PSMD14: variants seen among roughly 807,000 people sequenced by gnomAD.
The protein encoded by PSMD14 is proteasome 26S subunit, non-ATPase 14, also known as ubiquitin C-terminal hydrolase PSMD14.
In PSMD14, 7 loss-of-function variants were observed where a neutral mutation model predicts 41.2. That is an observed-to-expected ratio of 0.17 (90% CI 0.10 to 0.32). PSMD14 has a LOEUF of 0.32. Ranked by LOEUF, PSMD14 falls within the 10% of genes least tolerant of loss-of-function variation. The pLI, the probability that PSMD14 is intolerant of heterozygous loss-of-function variation, is 1.00. For synonymous variants in PSMD14, 114 were observed against 122.3 expected (o/e 0.93, Z 0.45); for missense variants, 139 against 375.6 (o/e 0.37, Z 5.21).
intron 3 of PSMD14, among the ~76,000 whole-genome samples, chr2:161,336,249 A>G (rs1203359795): frequency 2.6e-5 from 4 of 152,178 alleles, no homozygotes; most frequent in Non-Finnish European, 4.4e-5. Flanking sequence ...TATAACTTTT[A>G]TATCAACTGG....
intron 3 of PSMD14, among the ~76,000 whole-genome samples, chr2:161,346,644 A>C (rs1024972770): frequency 2.0e-5 from 3 of 148,946 alleles, no homozygotes; most frequent in Admixed American, 2.0e-4. Flanking sequence ...TTACTTGGAA[A>C]CTGTTTGATT....
chr2:161,323,627 C>T (rs796432612), intron 3 of PSMD14, among the ~76,000 whole-genome samples: 21 of 151,794 alleles, frequency 1.4e-4, no homozygotes, highest in Admixed American at 9.2e-4. Context: ...AGTACCACTG[C>T]ACTCCAGCCT....
chr2:161,322,359 C>G (rs991879770), intron 3 of PSMD14, among the ~76,000 whole-genome samples: 2 of 152,066 alleles, frequency 1.3e-5, no homozygotes, highest in Non-Finnish European at 2.9e-5. Context: ...GGTCTTTGGG[C>G]TTTGCTCTAT....
chr2:161,367,602 A>G (rs1683376684), intron 4 of PSMD14, 53 bp downstream of exon 4: 6 of 1,486,402 alleles, frequency 4.0e-6, no homozygotes, highest in East Asian at 2.4e-5. Flanking sequence ...CTTTCACTGT[A>G]TCTTTTACTT....
chr2:161,353,044 A>T (rs575514437), intron 3 of PSMD14, among the ~76,000 whole-genome samples: 217 of 152,330 alleles, frequency 1.4e-3, no homozygotes, highest in African/African-American at 4.9e-3. Context: ...AATTTTATTA[A>T]AAGAATATTT....
At chr2:161,352,644 C>G (rs2105248022) in intron 3 of PSMD14, among the ~76,000 whole-genome samples, 1 of 152,132 alleles carries the variant, frequency 6.6e-6, no homozygotes, top group Middle Eastern at 3.4e-3. Context: ...ATTTTTTCTT[C>G]CTTTTTTTCA....
chr2:161,377,097 T>C (rs554250989), intron 7 of PSMD14, among the ~76,000 whole-genome samples: 49 of 152,034 alleles, frequency 3.2e-4, no homozygotes, highest in African/African-American at 1.1e-3. Context: ...AGTTCAAGTT[T>C]AATAGTCATT....
intron 11 of PSMD14, 114 bp from the exon 12 acceptor site, chr2:161,411,188 T>G: frequency 1.8e-6 from 1 of 562,320 alleles, no homozygotes; most frequent in Non-Finnish European, 3.0e-6. Context: ...TGTAAAATAT[T>G]TAAGTAAGGT....
At chr2:161,392,131 AT>A (rs34801209) in intron 9 of PSMD14, among the ~76,000 whole-genome samples, 1 of 152,162 alleles carries the variant, frequency 6.6e-6, no homozygotes, top group Non-Finnish European at 1.5e-5. Context: ...AATGCCAAGT[AT>A]TTAAATCTGC....
intron 3 of PSMD14, among the ~76,000 whole-genome samples, chr2:161,332,612 ACT>A (rs1297201374): frequency 6.6e-6 from 1 of 151,950 alleles, no homozygotes; most frequent in African/African-American, 2.4e-5. Flanking sequence ...GCACTTGAAA[ACT>A]CTCACTTTAA....
At chr2:161,339,165 G>C (rs570992102) in intron 3 of PSMD14, among the ~76,000 whole-genome samples, 1 of 152,302 alleles carries the variant, frequency 6.6e-6, no homozygotes, top group South Asian at 2.1e-4. Flanking sequence ...CCTAGGATTA[G>C]ATTGGCTGGA....
intron 10 of PSMD14, among the ~76,000 whole-genome samples, chr2:161,396,641 G>A (rs556672210): frequency 1.3e-5 from 2 of 152,124 alleles, no homozygotes; most frequent in Admixed American, 6.6e-5. Flanking sequence ...TGGGTGGAGC[G>A]GGGTGGGTTG....
intron 9 of PSMD14, among the ~76,000 whole-genome samples, chr2:161,391,458 T>C (rs865897124): frequency 6.6e-6 from 1 of 152,192 alleles, no homozygotes; most frequent in Non-Finnish European, 1.5e-5. Flanking sequence ...ATATTTCTTT[T>C]AGTTCTGTGA....
chr2:161,367,449 TTAA>T (rs1371222567), intron 3 of PSMD14, 26 bp from the exon 4 acceptor site: 1 of 1,525,376 alleles, frequency 6.6e-7, no homozygotes, highest in East Asian at 2.4e-5. Context: ...TGTGTTTGTT[TTAA>T]TAATAATTGA....
intron 7 of PSMD14, chr2:161,384,048 G>A (rs892994194): frequency 3.3e-5 from 5 of 151,570 alleles, no homozygotes; most frequent in Non-Finnish European, 7.4e-5. Flanking sequence ...AAACATGAAA[G>A]TTAAGTGTGG....
chr2:161,393,362 C>A (rs1683741158), intron 9 of PSMD14, among the ~76,000 whole-genome samples: 1 of 152,150 alleles, frequency 6.6e-6, no homozygotes, highest in Admixed American at 6.5e-5. Flanking sequence ...AAACTGAAAT[C>A]ATCTGTGGAG....
chr2:161,402,087 A>C (rs1683886710), intron 10 of PSMD14, among the ~76,000 whole-genome samples: 1 of 152,196 alleles, frequency 6.6e-6, no homozygotes, highest in Admixed American at 6.5e-5. Context: ...ACATCTACTC[A>C]ATCAGTAAAC....
At chr2:161,393,971 A>ATTTTTTTTTTTTTTTTTTTTTTT (rs11452254) in intron 9 of PSMD14, among the ~76,000 whole-genome samples, 1 of 100,892 alleles carries the variant, frequency 9.9e-6, no homozygotes, top group African/African-American at 3.9e-5. Flanking sequence ...ACACTAGATA[A>ATTTTTTTTTTTTTTTTTTTTTTT]TTTTTTTTTT....
Position 161,321,376 on chromosome 2 carries a change from T to A in PSMD14, c.48+2503T>A, listed in dbSNP as rs1313954694. Reference sequence around the variant, plus strand: ...CATTTTATGAGTGAATAGGCCACCTTAAATCATGATCTATACGAATAACCC... The same window carrying A: ...CATTTTATGAGTGAATAGGCCACCTAAAATCATGATCTATACGAATAACCC... On this transcript the variant is annotated intron_variant, in intron 3 of 11. Coordinates refer to ENST00000409682, the MANE Select transcript of PSMD14 (RefSeq NM_005805.6). Among the ~76,000 whole-genome samples the A allele has an allele frequency of 4.6e-5, 7 of 152,338 alleles. No homozygotes were observed. The East Asian group carries it at 1.4e-3, about 29-fold the overall frequency.
Sources: gnomAD v4.1 joint callset for allele counts (sites outside exome capture counted in the v4.1 genomes callset) on GRCh38, gnomAD v4.1.1 for gene constraint, MANE v1.5 for transcripts, NCBI Gene and HGNC (gene_info 2026-07-23, HGNC 2026-07-21) for gene names.